PTBP2: variants seen among roughly 807,000 people sequenced by gnomAD.
The protein encoded by PTBP2 is polypyrimidine tract-binding protein 2.
In PTBP2, 13 loss-of-function variants were observed where a neutral mutation model predicts 61.4. The ratio of observed to expected loss-of-function variants is 0.21; its 90% confidence interval spans 0.14 to 0.34. The LOEUF is 0.34. Among genes scored for constraint, PTBP2 ranks in the 10% least tolerant of loss-of-function variants. The pLI is 1.00. For missense variants in PTBP2, 405 were observed against 642.6 expected, an observed-to-expected ratio of 0.63 and a Z score of 4.00; for synonymous variants, 215 against 218.5, an observed-to-expected ratio of 0.98 and a Z score of 0.14.
At chr1:96,805,903 A>G (rs1038331892) in intron 9 of PTBP2, among the ~76,000 whole-genome samples, 14 of 152,084 alleles carry the variant, frequency 9.2e-5, no homozygotes, top group Non-Finnish European at 1.5e-5. Flanking sequence ...AAATGCTGTA[A>G]TTTACTCTTT....
chr1:96,800,395 CTTT>C (rs376568803), intron 8 of PTBP2, among the ~76,000 whole-genome samples: 29,397 of 125,108 alleles, frequency 0.23, 3,347 homozygotes, highest in Middle Eastern at 0.36. Flanking sequence ...CATTCTCTGG[CTTT>C]TTTTTTTTTT....
intron 2 of PTBP2, among the ~76,000 whole-genome samples, chr1:96,749,134 A>G (rs1654211458): frequency 6.6e-6 from 1 of 152,166 alleles, no homozygotes; most frequent in Non-Finnish European, 1.5e-5. Flanking sequence ...TTTCCATGCA[A>G]AAAGATGCAT....
intron 8 of PTBP2, among the ~76,000 whole-genome samples, chr1:96,800,395 C>CTTTTTTTTTT (rs376568803): frequency 8.0e-6 from 1 of 125,206 alleles, no homozygotes; most frequent in African/African-American, 3.0e-5. Context: ...CATTCTCTGG[C>CTTTTTTTTTT]TTTTTTTTTT....
At chr1:96,804,384 A>G (rs1351320655) in intron 8 of PTBP2, among the ~76,000 whole-genome samples, 1 of 151,636 alleles carries the variant, frequency 6.6e-6, no homozygotes, top group Non-Finnish European at 1.5e-5. Context: ...TATGAAGAAG[A>G]TAGCACTTGC....
At chr1:96,754,127 AGAAAT>A (rs1244879973) in intron 3 of PTBP2, among the ~76,000 whole-genome samples, 6 of 152,158 alleles carry the variant, frequency 3.9e-5, no homozygotes, top group African/African-American at 1.4e-4. Flanking sequence ...ATTGAAAACT[AGAAAT>A]GAAGAGCAAA....
intron 8 of PTBP2, among the ~76,000 whole-genome samples, chr1:96,790,224 A>T (rs1044721486): frequency 6.6e-6 from 1 of 150,606 alleles, no homozygotes; most frequent in Non-Finnish European, 1.5e-5. Context: ...TGTGTTTCTT[A>T]TATAAACTTA....
At chr1:96,798,521 C>A (rs547855590) in intron 8 of PTBP2, among the ~76,000 whole-genome samples, 3 of 152,022 alleles carry the variant, frequency 2.0e-5, no homozygotes, top group Non-Finnish European at 4.4e-5. Flanking sequence ...AGAAGTAAGA[C>A]CAAAAGAAAT....
chr1:96,753,722 G>A (rs1654844411), intron 3 of PTBP2, among the ~76,000 whole-genome samples: 1 of 151,686 alleles, frequency 6.6e-6, no homozygotes, highest in African/African-American at 2.4e-5. Flanking sequence ...GGAGTGTGTT[G>A]AAGAGATAAA....
chr1:96,766,901 T>C (rs1297829777), intron 3 of PTBP2, among the ~76,000 whole-genome samples: 1 of 152,130 alleles, frequency 6.6e-6, no homozygotes, highest in Admixed American at 6.5e-5. Context: ...TATGGAATCA[T>C]GCTCCCTGAG....
intron 8 of PTBP2, among the ~76,000 whole-genome samples, chr1:96,795,358 C>T (rs1290642593): frequency 6.6e-6 from 1 of 152,138 alleles, no homozygotes; most frequent in Non-Finnish European, 1.5e-5. Context: ...GACTTGGCAT[C>T]TTACTGATGT....
chr1:96,741,886 A>G (rs1170224127), intron 2 of PTBP2, among the ~76,000 whole-genome samples: 2 of 152,148 alleles, frequency 1.3e-5, no homozygotes, highest in East Asian at 1.9e-4. Flanking sequence ...CTGCTTTCTC[A>G]GCTCTTCAGG....
chr1:96,794,916 C>T (rs17115758), intron 8 of PTBP2, among the ~76,000 whole-genome samples: 40,691 of 151,940 alleles, frequency 0.27, 6,809 homozygotes, highest in East Asian at 0.46. Context: ...GGCTATGATG[C>T]CAGAAAGTAT....
chr1:96,761,346 A>ATGTGTG (rs57451223), intron 3 of PTBP2, among the ~76,000 whole-genome samples: 5,970 of 140,496 alleles, frequency 0.042, 167 homozygotes, highest in East Asian at 0.092. Flanking sequence ...GTGGGATTTG[A>ATGTGTG]TGTGTGTGTG....
chr1:96,801,077 C>T (rs1233893175), intron 8 of PTBP2, among the ~76,000 whole-genome samples: 1 of 151,868 alleles, frequency 6.6e-6, no homozygotes, highest in Non-Finnish European at 1.5e-5. Flanking sequence ...AGCAGTTTTT[C>T]ATAAAAATAA....
intron 8 of PTBP2, among the ~76,000 whole-genome samples, chr1:96,798,934 A>G (rs1395245669): frequency 6.6e-6 from 1 of 152,240 alleles, no homozygotes; most frequent in Non-Finnish European, 1.5e-5. Context: ...AAACCAGTTT[A>G]ATTCTTCAGT....
intron 2 of PTBP2, among the ~76,000 whole-genome samples, chr1:96,750,988 A>G (rs1654466263): frequency 6.6e-6 from 1 of 152,070 alleles, no homozygotes; most frequent in Non-Finnish European, 1.5e-5. Flanking sequence ...AATTTTAATA[A>G]TGATGAAGAT....
At chr1:96,806,681 A>G in intron 10 of PTBP2, 185 bp from the exon 11 acceptor site, 1 of 662,786 alleles carries the variant, frequency 1.5e-6, no homozygotes, top group Admixed American at 3.1e-5. Context: ...TTTATCAAAA[A>G]TTATTCTTTT....
At chr1:96,776,987 G>A (rs1436200981) in intron 5 of PTBP2, among the ~76,000 whole-genome samples, 1 of 151,968 alleles carries the variant, frequency 6.6e-6, no homozygotes, top group African/African-American at 2.4e-5. Context: ...AAATGTATGG[G>A]AAATATTCTT....
Position 96,739,618 on chromosome 1 carries a change from G to GT in PTBP2, c.40-11781dup, listed in dbSNP as rs772410191. On this transcript the variant is annotated intron_variant, in intron 2 of 13. Transcript: ENST00000674951. ...GCTACAAAATCTGAAACTGGTGTGT[G>GT]TTTTTTTTTTTTTTTTTTTTTTTTT... is the stretch of plus-strand genomic sequence containing the variant. Among the ~76,000 whole-genome samples the GT allele has an allele frequency of 8.0e-3, 671 of 83,784 alleles. 40 individuals carry two copies. Among genetic ancestry groups the GT allele is most frequent in the Admixed American group, 0.02 (154 of 7,798 alleles). The allele number at this position is 83,784 out of a possible 152,430, so 55.0% of individuals were successfully genotyped here. A position where few individuals can be genotyped will look rare whatever the true frequency, so the allele number is the denominator to read the frequency against.
Sources: gnomAD v4.1 joint callset for allele counts (sites outside exome capture counted in the v4.1 genomes callset) on GRCh38, gnomAD v4.1.1 for gene constraint, MANE v1.5 for transcripts, NCBI Gene and HGNC (gene_info 2026-07-23, HGNC 2026-07-21) for gene names.